The following CYFIP2 variants were observed in gnomAD, a reference collection of about 807,000 sequenced individuals.
CYFIP2 encodes the protein cytoplasmic FMR1 interacting protein 2.
In CYFIP2, 29 loss-of-function variants were observed where a neutral mutation model predicts 158.7. That is an observed-to-expected ratio of 0.18 (90% confidence interval 0.14 to 0.25). The LOEUF is 0.25. CYFIP2 is among the 10% of genes least tolerant of loss of function. The pLI, the probability that CYFIP2 is intolerant of heterozygous loss-of-function variation, is 1.00. For synonymous variants in CYFIP2, 585 were observed against 617.6 expected, an observed-to-expected ratio of 0.95 and a Z score of 0.78; for missense variants, 852 against 1,639.5, an observed-to-expected ratio of 0.52 and a Z score of 8.29.
chr5:157,370,899 C>T (rs996919583), intron 26 of CYFIP2, among the ~76,000 whole-genome samples: 1 of 152,174 alleles, frequency 6.6e-6, no homozygotes, highest in Non-Finnish European at 1.5e-5. Context: ...ATATACAGCA[C>T]TATTCAAGCA....
intron 8 of CYFIP2, among the ~76,000 whole-genome samples, chr5:157,306,087 T>A (rs1759196091): frequency 6.6e-6 from 1 of 152,212 alleles, no homozygotes; most frequent in Non-Finnish European, 1.5e-5. Flanking sequence ...GCAGAGCCCC[T>A]TTTGATTCTG....
At chr5:157,371,792 A>T (rs1285198312) in intron 26 of CYFIP2, among the ~76,000 whole-genome samples, 1 of 152,238 alleles carries the variant, frequency 6.6e-6, no homozygotes, top group Non-Finnish European at 1.5e-5. Flanking sequence ...TTCTGATGTG[A>T]GTTCCTTACA....
Position 157,309,758 on chromosome 5 carries a change from C to A in CYFIP2, c.916C>A (p.Pro306Thr). 2 of 1,605,654 alleles carry A rather than the reference C, an allele frequency of 1.2e-6. No homozygotes were observed. The highest frequency in any genetic ancestry group is 1.7e-6 in the Non-Finnish European group (2 of 1,176,200). Residue 306 changes from proline (P) to threonine (T), a missense_variant, in exon 10 of 31, where the codon CCC becomes ACC. By Grantham distance (38) the Pro-to-Thr change is conservative. This residue lies in a region of CYFIP2 where 133 missense variants were observed against 197.1 expected (regional missense o/e 0.67). Coordinates refer to ENST00000620254, the MANE Select transcript of CYFIP2 (RefSeq NM_001037333.3). ...DKFFKQLQVVPLFGDMQIELA... is the reference protein window; with the variant it reads ...DKFFKQLQVVTLFGDMQIELA... ...TCCTTTGCAGCAGCTGCAGGTGGTG[C>A]CCCTTTTCGGCGACATGCAGATAGA...
chr5:157,307,895 G>A lies in CYFIP2; in HGVS notation c.900+30G>A, dbSNP rs752927256. On this transcript the variant is annotated intron_variant, in intron 9 of 30. Transcript: ENST00000620254. ...GCAACTGGGGCTGGGGCTGGGCAGAGGGCTGAGGTTACCAGCGCCAAGATG... is the reference window on the plus strand; with the variant it reads ...GCAACTGGGGCTGGGGCTGGGCAGAAGGCTGAGGTTACCAGCGCCAAGATG... 2.3e-6 allele frequency: 3 copies of A among 1,319,160 alleles called. No homozygotes were observed. The Admixed American group carries it at 5.7e-5, about 25-fold the overall frequency. The allele number at this position is 1,319,160 out of a possible 1,614,324, so 81.7% of individuals were successfully genotyped here. A position where few individuals can be genotyped will look rare whatever the true frequency, so the allele number is the denominator to read the frequency against.
chr5:157,298,508 TA>T (rs1267889967), intron 5 of CYFIP2, among the ~76,000 whole-genome samples: 2 of 41,356 alleles, frequency 4.8e-5, no homozygotes, highest in African/African-American at 9.3e-5. Context: ...GCTACTTTTG[TA>T]TTTTTTTTTT....
At chr5:157,300,143 A>G (rs114523202) in intron 5 of CYFIP2, among the ~76,000 whole-genome samples, 74 of 152,266 alleles carry the variant, frequency 4.9e-4, no homozygotes, top group African/African-American at 1.8e-3. Flanking sequence ...GGTGCTGGGA[A>G]TGCCAAAATG....
At chr5:157,317,033 C>G (rs7709588) in intron 13 of CYFIP2, among the ~76,000 whole-genome samples, 48,732 of 151,994 alleles carry the variant, frequency 0.32, 8,625 homozygotes, top group African/African-American at 0.48. Flanking sequence ...TAAAGTGAGA[C>G]AGTCAGAGGG....
In CYFIP2 at chr5:157,361,670, G is replaced by A; in HGVS notation, c.3039+72G>A. The A allele has an allele frequency of 1.9e-6, 3 of 1,578,474 alleles. No individual in the cohort carries two copies. The highest frequency in any genetic ancestry group is 1.7e-6 in the Non-Finnish European group (2 of 1,155,562). On this transcript the variant is annotated intron_variant, in intron 26 of 30. Coordinates refer to ENST00000620254, the MANE Select transcript of CYFIP2 (RefSeq NM_001037333.3). The surrounding 1 kb of genome is among the most constrained non-coding windows in gnomAD (Gnocchi z 4.4). ...GATGCCAACCCCAAGCAGATATTGA[G>A]GCTCCTGCAGCATTGATTTGTGCTT...
At chr5:157,350,049 G>A (rs1762965870) in intron 23 of CYFIP2, among the ~76,000 whole-genome samples, 1 of 152,188 alleles carries the variant, frequency 6.6e-6, no homozygotes, top group Admixed American at 6.5e-5. Flanking sequence ...TGTATAGTTT[G>A]CAAAGATTTT....
At chr5:157,312,657 G>A (rs1474953065) in intron 11 of CYFIP2, among the ~76,000 whole-genome samples, 5 of 152,164 alleles carry the variant, frequency 3.3e-5, no homozygotes, top group Non-Finnish European at 7.3e-5. Flanking sequence ...CTCAGGAGAT[G>A]CCTTTGATCA....
At chr5:157,356,699 C>T (rs1763433399) in intron 23 of CYFIP2, among the ~76,000 whole-genome samples, 1 of 152,200 alleles carries the variant, frequency 6.6e-6, no homozygotes, top group South Asian at 2.1e-4. Context: ...GCTTTGCTAA[C>T]AGGGCAAAAA....
intron 3 of CYFIP2, chr5:157,288,730 C>T: frequency 2.4e-6 from 1 of 424,300 alleles, no homozygotes; most frequent in South Asian, 1.7e-5. Context: ...ATAACTTACT[C>T]AGGGTCCTGC....
At chr5:157,346,637 C>T (rs1162269493) in intron 23 of CYFIP2, among the ~76,000 whole-genome samples, 2 of 152,158 alleles carry the variant, frequency 1.3e-5, no homozygotes, top group Non-Finnish European at 2.9e-5. Context: ...CTTCTGGTCT[C>T]CAGAACTGTG....
Position 157,382,617 on chromosome 5 carries a change from C to T in CYFIP2, c.3067C>T (p.His1023Tyr). Residue 1023 changes from histidine to tyrosine, a missense_variant, in exon 27 of 31, where the codon CAT (histidine) becomes TAT (tyrosine). By Grantham distance (83) the His-to-Tyr change is moderately conservative (BLOSUM62 2). Transcript: ENST00000620254. Reference sequence around the variant, plus strand: ...TCAGGAGGAGGTCTGCGATTTGCTCCATGCCGCACCCTTCCAAAACATCTT... The same window carrying T: ...TCAGGAGGAGGTCTGCGATTTGCTCTATGCCGCACCCTTCCAAAACATCTT... ...LSQEEVCDLL[H>Y]AAPFQNILPR... 6.2e-7 allele frequency: 1 copy of T among 1,614,032 alleles called. No homozygotes were observed. Among genetic ancestry groups the T allele is most frequent in the Non-Finnish European group, 8.5e-7 (1 of 1,179,896 alleles).
chr5:157,329,847 C>T (rs537440515), intron 19 of CYFIP2, among the ~76,000 whole-genome samples: 1 of 152,308 alleles, frequency 6.6e-6, no homozygotes, highest in South Asian at 2.1e-4. Flanking sequence ...CTCTTTCTTG[C>T]GTAAAACCTT....
At chr5:157,346,573 T>C (rs1268951295) in intron 23 of CYFIP2, among the ~76,000 whole-genome samples, 2 of 152,112 alleles carry the variant, frequency 1.3e-5, no homozygotes, top group Admixed American at 6.5e-5. Context: ...CAAGGAAACA[T>C]TCTCCCCTAG....
Position 157,323,904 on chromosome 5 carries a change from T to C in CYFIP2, c.1672-17T>C. 1 of 1,539,382 alleles carries C rather than the reference T, an allele frequency of 6.5e-7. No homozygotes were observed. Among genetic ancestry groups the C allele is most frequent in the African/African-American group, 1.4e-5 (1 of 73,400 alleles). ...AGGGCCAGCTTCTGACCTTCTCATC[T>C]TGCTTTCTTTTTCAAGCTGTACATG... On this transcript the variant is annotated splice_polypyrimidine_tract_variant and intron_variant, in intron 15 of 30. Coordinates refer to ENST00000620254, the MANE Select transcript of CYFIP2 (RefSeq NM_001037333.3).
intron 27 of CYFIP2, 36 bp from the exon 28 acceptor site, chr5:157,383,227 CCT>C (rs746256536): frequency 7.5e-6 from 12 of 1,591,244 alleles, no homozygotes; most frequent in Non-Finnish European, 1.0e-5. Context: ...CCCTGTGTTC[CCT>C]GAGTCTCATT....
At chr5:157,316,662 C>T (rs1163559884) in intron 13 of CYFIP2, among the ~76,000 whole-genome samples, 2 of 152,176 alleles carry the variant, frequency 1.3e-5, no homozygotes, top group South Asian at 2.1e-4. Flanking sequence ...ATCCCAGCCC[C>T]GGGCCCTCTG....
Sources: gnomAD v4.1 joint callset for allele counts (sites outside exome capture counted in the v4.1 genomes callset) on GRCh38, gnomAD v4.1.1 for gene constraint, gnomAD v4.1.1 regional missense constraint, Gnocchi (gnomAD v3.1) non-coding constraint, MANE v1.5 for transcripts, NCBI Gene and HGNC (gene_info 2026-07-23, HGNC 2026-07-21) for gene names.